Variants in KIAA1328 observed in about 807,000 individuals in gnomAD.
KIAA1328 encodes the protein protein hinderin.
KIAA1328 carries 52 observed loss-of-function variants against 68.1 expected under a neutral mutation model. That is an observed-to-expected ratio of 0.76 (90% CI 0.61 to 0.96). KIAA1328 has a LOEUF of 0.96. KIAA1328 is among the 40% of genes least tolerant of loss of function. KIAA1328 has a pLI of 0.00. For missense variants in KIAA1328, 641 were observed against 677.6 expected, an observed-to-expected ratio of 0.95 and a Z score of 0.60; for synonymous variants, 232 against 239.4, an observed-to-expected ratio of 0.97 and a Z score of 0.28.
At chr18:37,107,599 G>A (rs2057808382) in intron 7 of KIAA1328, among the ~76,000 whole-genome samples, 1 of 151,978 alleles carries the variant, frequency 6.6e-6, no homozygotes, top group African/African-American at 2.4e-5. Context: ...TCATTCCTAG[G>A]TATTTCATTT....
chr18:37,213,452 TC>T (rs1225919938), intron 9 of KIAA1328, among the ~76,000 whole-genome samples: 3 of 152,218 alleles, frequency 2.0e-5, no homozygotes, highest in Non-Finnish European at 2.9e-5. Flanking sequence ...TCCAGCTTCA[TC>T]CATGTCCCTA....
chr18:37,156,258 T>G (rs1311705751), intron 7 of KIAA1328, among the ~76,000 whole-genome samples: 1 of 151,636 alleles, frequency 6.6e-6, no homozygotes, highest in Non-Finnish European at 1.5e-5. Context: ...AAATACAAAG[T>G]TAGCCGGGCA....
At chr18:37,044,134 T>A (rs533046701) in intron 6 of KIAA1328, among the ~76,000 whole-genome samples, 1 of 152,190 alleles carries the variant, frequency 6.6e-6, no homozygotes, top group Non-Finnish European at 1.5e-5. Flanking sequence ...TAGCATTCAC[T>A]TTTTGAGGTT....
At chr18:37,084,198 A>G in intron 7 of KIAA1328, 4 of 1,526,580 alleles carry the variant, frequency 2.6e-6, no homozygotes, top group East Asian at 2.5e-5. Flanking sequence ...CCAAGAACTC[A>G]AACTGGATAT....
intron 7 of KIAA1328, among the ~76,000 whole-genome samples, chr18:37,144,592 A>G (rs1396924139): frequency 6.6e-6 from 1 of 152,098 alleles, no homozygotes; most frequent in Non-Finnish European, 1.5e-5. Context: ...AATGGAGTTC[A>G]GTGGTACAAT....
chr18:37,179,519 G>C (rs2059659103), intron 9 of KIAA1328, among the ~76,000 whole-genome samples: 1 of 151,962 alleles, frequency 6.6e-6, no homozygotes, highest in South Asian at 2.1e-4. Flanking sequence ...GCTTTCTATA[G>C]TACAGTTGCC....
At chr18:37,026,629 A>G (rs1159313877) in intron 6 of KIAA1328, among the ~76,000 whole-genome samples, 1 of 152,232 alleles carries the variant, frequency 6.6e-6, no homozygotes, top group African/African-American at 2.4e-5. Flanking sequence ...AAACCACATG[A>G]TTATCTCAAT....
intron 6 of KIAA1328, among the ~76,000 whole-genome samples, chr18:37,042,900 G>T (rs2055313396): frequency 2.0e-5 from 3 of 151,898 alleles, no homozygotes; most frequent in African/African-American, 7.3e-5. Context: ...TCTCCCACAG[G>T]TCTCTGAGAC....
At position 36,972,742 on chromosome 18, in the gene KIAA1328, T is replaced by C. The variant is rs1296691847; in HGVS notation, c.576+13307T>C. On this transcript the variant is annotated intron_variant, in intron 6 of 9. Coordinates refer to ENST00000280020, the MANE Select transcript of KIAA1328 (RefSeq NM_020776.3). ...AGCGGGTTCTCTGGCAGCCAACCTG[T>C]CTCTCCTGTCCCGTTCCTGTCCCAG... Among the ~76,000 whole-genome samples the C allele has an allele frequency of 2.0e-5, 3 of 152,216 alleles. No individual in the cohort carries two copies. In the East Asian group the frequency reaches 5.8e-4, roughly 29 times the overall value.
chr18:36,948,261 G>GTTTTTTT (rs1167822236), intron 5 of KIAA1328, among the ~76,000 whole-genome samples: 105 of 115,726 alleles, frequency 9.1e-4, no homozygotes, highest in East Asian at 1.2e-3. Flanking sequence ...TTTGTCTTTT[G>GTTTTTTT]TTTTTTTTTT....
chr18:37,027,258 A>G (rs2054621455), intron 6 of KIAA1328, among the ~76,000 whole-genome samples: 1 of 152,216 alleles, frequency 6.6e-6, no homozygotes, highest in Non-Finnish European at 1.5e-5. Context: ...GCTCATGGAT[A>G]GGAAGAATCA....
At chr18:37,203,140 A>G (rs2060145984) in intron 9 of KIAA1328, among the ~76,000 whole-genome samples, 1 of 151,968 alleles carries the variant, frequency 6.6e-6, no homozygotes, top group Non-Finnish European at 1.5e-5. Flanking sequence ...TCATATTCAA[A>G]AGAGAAAACT....
At chr18:37,228,129 T>C (rs1008474730), downstream of KIAA1328, among the ~76,000 whole-genome samples, 1 of 152,236 alleles carries the variant, frequency 6.6e-6, no homozygotes, top group African/African-American at 2.4e-5. Context: ...ACTGAATTGC[T>C]GCAATCTCAT....
At chr18:36,865,532 G>A (rs2047720327) in intron 4 of KIAA1328, among the ~76,000 whole-genome samples, 1 of 152,122 alleles carries the variant, frequency 6.6e-6, no homozygotes, top group Non-Finnish European at 1.5e-5. Context: ...GGATGACTTC[G>A]AGAGATCTGC....
chr18:36,979,001 A>C (rs561151516), intron 6 of KIAA1328, among the ~76,000 whole-genome samples: 1 of 152,182 alleles, frequency 6.6e-6, no homozygotes, highest in African/African-American at 2.4e-5. Flanking sequence ...CTCTACAAAT[A>C]TTTGAAAAAT....
At chr18:37,126,138 G>T (rs958627447) in intron 7 of KIAA1328, among the ~76,000 whole-genome samples, 5 of 152,152 alleles carry the variant, frequency 3.3e-5, no homozygotes, top group Admixed American at 3.3e-4. Context: ...TTATTAAAAT[G>T]ATTGTATAAA....
intron 7 of KIAA1328, among the ~76,000 whole-genome samples, chr18:37,074,267 C>G (rs1480754716): frequency 1.3e-5 from 2 of 152,152 alleles, no homozygotes; most frequent in Admixed American, 6.5e-5. Context: ...GTTTCTAAGG[C>G]AAAAACAAAG....
At chr18:37,054,481 A>G (rs984004945) in intron 6 of KIAA1328, among the ~76,000 whole-genome samples, 2 of 152,270 alleles carry the variant, frequency 1.3e-5, no homozygotes, top group Admixed American at 1.3e-4. Flanking sequence ...GTATGCAGCC[A>G]TAGAAAAGAA....
chr18:37,092,254 T>C (rs2057287820), intron 7 of KIAA1328, among the ~76,000 whole-genome samples: 1 of 151,616 alleles, frequency 6.6e-6, no homozygotes, highest in Non-Finnish European at 1.5e-5. Flanking sequence ...TAATGAGAGG[T>C]CCACCCTACC....
Sources: gnomAD v4.1 joint callset for allele counts (sites outside exome capture counted in the v4.1 genomes callset) on GRCh38, gnomAD v4.1.1 for gene constraint, MANE v1.5 for transcripts, NCBI Gene and HGNC (gene_info 2026-07-23, HGNC 2026-07-21) for gene names.